Variants in ZFAT observed in about 807,000 individuals in gnomAD.
The protein encoded by ZFAT is zinc finger protein ZFAT.
ZFAT carries 64 observed loss-of-function variants against 117.7 expected under a neutral mutation model. The observed-to-expected ratio is 0.54, with a 90% CI of 0.44 to 0.67. The LOEUF is 0.67. Among genes scored for constraint, ZFAT ranks in the 30% least tolerant of loss-of-function variants. The pLI is 0.00. For missense variants in ZFAT, 1,433 were observed against 1,584.5 expected (o/e 0.90, Z 1.62); for synonymous variants, 679 against 615.0 (o/e 1.10, Z -1.54).
At chr8:134,776,393 G>T in the ZFAT span, among the ~76,000 whole-genome samples, 1 of 152,028 alleles carries the variant, frequency 6.6e-6, no homozygotes, top group Non-Finnish European at 1.5e-5. Flanking sequence ...TGCCTTGACC[G>T]CCCAGGCTCA....
At chr8:134,578,819 G>T (rs1156909528) in intron 10 of ZFAT, among the ~76,000 whole-genome samples, 3 of 152,194 alleles carry the variant, frequency 2.0e-5, no homozygotes, top group Non-Finnish European at 4.4e-5. Flanking sequence ...TGTGGGGTAT[G>T]AATGAGACAG....
At chr8:134,586,634 C>T (rs73365328) in intron 9 of ZFAT, among the ~76,000 whole-genome samples, 2,721 of 152,348 alleles carry the variant, frequency 0.018, 87 homozygotes, top group African/African-American at 0.062. Context: ...GCCTTCTTGG[C>T]ATTCTTTGCT....
intron 15 of ZFAT, among the ~76,000 whole-genome samples, chr8:134,497,355 CA>C (rs201033125): frequency 0.016 from 2,388 of 152,292 alleles, 38 homozygotes; most frequent in Non-Finnish European, 0.025. Flanking sequence ...GGGGGACTGA[CA>C]GCTGAGAACA....
chr8:134,530,029 T>C (rs1005520428), intron 12 of ZFAT, among the ~76,000 whole-genome samples: 10 of 152,162 alleles, frequency 6.6e-5, no homozygotes, highest in African/African-American at 2.4e-4. Context: ...AACCCCTCCC[T>C]GGAATCCCAG....
At chr8:134,485,477 C>T (rs1185604481) in intron 15 of ZFAT, among the ~76,000 whole-genome samples, 2 of 152,178 alleles carry the variant, frequency 1.3e-5, no homozygotes, top group African/African-American at 4.8e-5. Flanking sequence ...TCAAAAATGC[C>T]CGGAGGCTGG....
intron 15 of ZFAT, among the ~76,000 whole-genome samples, chr8:134,495,748 G>T (rs1818388466): frequency 6.6e-6 from 1 of 152,188 alleles, no homozygotes. Context: ...TGTGCAACAT[G>T]GCAAAATCCT....
intron 1 of ZFAT, among the ~76,000 whole-genome samples, chr8:134,668,115 C>T (rs1050414687): frequency 6.6e-6 from 1 of 152,232 alleles, no homozygotes; most frequent in African/African-American, 2.4e-5. Flanking sequence ...CCAGGAAACT[C>T]GAACTGGGTG....
At chr8:134,604,750 C>T (rs904158624) in intron 5 of ZFAT, among the ~76,000 whole-genome samples, 4 of 152,156 alleles carry the variant, frequency 2.6e-5, no homozygotes, top group Non-Finnish European at 5.9e-5. Context: ...TCCATAAATA[C>T]CAGAGGGTAC....
intron 10 of ZFAT, among the ~76,000 whole-genome samples, chr8:134,569,584 T>C (rs79080511): frequency 0.011 from 1,689 of 152,218 alleles, 25 homozygotes; most frequent in African/African-American, 0.038. Context: ...TGAGTGACCC[T>C]GGGTTCTTTC....
the ZFAT span, among the ~76,000 whole-genome samples, chr8:134,735,493 C>T: frequency 0.48 from 72,978 of 152,096 alleles, 17,634 homozygotes; most frequent in Admixed American, 0.52. Context: ...AAAAAAATGG[C>T]CATCTTTGAC....
At chr8:134,793,253 T>TA in the ZFAT span, 5 of 152,222 alleles carry the variant, frequency 3.3e-5, no homozygotes, top group Non-Finnish European at 5.9e-5. Context: ...GATGAATTAG[T>TA]AGTACATTTA....
the ZFAT span, among the ~76,000 whole-genome samples, chr8:134,817,398 C>CT: frequency 6.6e-3 from 361 of 55,106 alleles, 1 homozygote; most frequent in African/African-American, 0.023. Flanking sequence ...TCTCTCTACA[C>CT]ACACACACAC....
intron 1 of ZFAT, among the ~76,000 whole-genome samples, chr8:134,691,541 C>T (rs368127544): frequency 1.3e-4 from 20 of 152,346 alleles, no homozygotes; most frequent in African/African-American, 4.1e-4. Flanking sequence ...GTGAGGAGGA[C>T]GGGTAAGCAA....
At chr8:134,693,300 G>C (rs530371093) in intron 1 of ZFAT, among the ~76,000 whole-genome samples, 1 of 152,252 alleles carries the variant, frequency 6.6e-6, no homozygotes, top group African/African-American at 2.4e-5. Flanking sequence ...ACAAAAGCGG[G>C]GGCACGCTGA....
chr8:134,707,674 G>T (rs961859541), intron 1 of ZFAT, among the ~76,000 whole-genome samples: 21 of 152,122 alleles, frequency 1.4e-4, no homozygotes, highest in African/African-American at 4.8e-4. Context: ...TTCCCCCACT[G>T]CCCACTATGG....
chr8:134,666,307 A>G (rs1832214982), intron 1 of ZFAT, among the ~76,000 whole-genome samples: 1 of 152,208 alleles, frequency 6.6e-6, no homozygotes, highest in Non-Finnish European at 1.5e-5. Flanking sequence ...CCTTGTCCAC[A>G]CCACAACAGT....
chr8:134,629,952 A>G (rs934514822), intron 3 of ZFAT, among the ~76,000 whole-genome samples: 2 of 152,190 alleles, frequency 1.3e-5, no homozygotes, highest in African/African-American at 2.4e-5. Context: ...GCTACCTTCA[A>G]GATGGTGGCT....
At chr8:134,672,455 T>C (rs921080057) in intron 1 of ZFAT, among the ~76,000 whole-genome samples, 16 of 151,994 alleles carry the variant, frequency 1.1e-4, no homozygotes, top group Non-Finnish European at 1.5e-5. Flanking sequence ...ATACCTAATG[T>C]AAATGACAAG....
chr8:134,571,601 C>A (rs1223121797), intron 10 of ZFAT, among the ~76,000 whole-genome samples: 1 of 152,078 alleles, frequency 6.6e-6, no homozygotes, highest in East Asian at 1.9e-4. Flanking sequence ...AGGTCTTGAC[C>A]AAACAGCGTT....
Sources: allele counts gnomAD v4.1 joint callset (sites outside exome capture counted in the v4.1 genomes callset), GRCh38; gene constraint gnomAD v4.1.1; transcripts MANE v1.5; gene names NCBI Gene and HGNC (gene_info 2026-07-23, HGNC 2026-07-21).